PRKAA2: variants seen among roughly 807,000 people sequenced by gnomAD.
PRKAA2 encodes protein kinase AMP-activated catalytic subunit alpha 2.
A neutral mutation model predicts 56.3 loss-of-function variants in PRKAA2; 40 were observed. The ratio of observed to expected loss-of-function variants is 0.71; its 90% CI spans 0.55 to 0.92. The LOEUF is 0.92. PRKAA2 is among the 40% of genes least tolerant of loss of function. The pLI is 0.00. For synonymous variants in PRKAA2, 214 were observed against 234.2 expected, an observed-to-expected ratio of 0.91 and a Z score of 0.79; for missense variants, 542 against 686.9, an observed-to-expected ratio of 0.79 and a Z score of 2.36.
intron 1 of PRKAA2, among the ~76,000 whole-genome samples, chr1:56,673,280 A>G (rs1569743477): frequency 6.6e-6 from 1 of 152,142 alleles, no homozygotes; most frequent in Non-Finnish European, 1.5e-5. Flanking sequence ...AGGCTGAGTC[A>G]GAAGGATCAC....
intron 2 of PRKAA2, among the ~76,000 whole-genome samples, chr1:56,684,398 C>T (rs1283296410): frequency 1.3e-5 from 2 of 151,964 alleles, no homozygotes; most frequent in African/African-American, 4.8e-5. Flanking sequence ...AAGCCATCAG[C>T]AGACAGACTG....
chr1:56,697,828 T>G (rs892676597), intron 6 of PRKAA2, among the ~76,000 whole-genome samples: 1 of 151,672 alleles, frequency 6.6e-6, no homozygotes, highest in African/African-American at 2.4e-5. Context: ...AAAAAAAAAG[T>G]CAAATGGTAA....
chr1:56,653,532 G>T (rs148985431), intron 1 of PRKAA2, among the ~76,000 whole-genome samples: 231 of 152,146 alleles, frequency 1.5e-3, no homozygotes, highest in African/African-American at 5.3e-3. Context: ...AACTCAATCT[G>T]TAAAAATGGG....
intron 7 of PRKAA2, 109 bp from the exon 8 acceptor site, chr1:56,705,983 A>T (rs1042225229): frequency 2.2e-6 from 2 of 911,948 alleles, no homozygotes; most frequent in South Asian, 3.6e-5. Context: ...TAAAAAAATT[A>T]TTCGTATTCC....
intron 6 of PRKAA2, among the ~76,000 whole-genome samples, chr1:56,697,655 C>T (rs1644267509): frequency 6.6e-6 from 1 of 152,038 alleles, no homozygotes; most frequent in Non-Finnish European, 1.5e-5. Flanking sequence ...CTGCTCATAT[C>T]AGCATATACA....
chr1:56,670,890 T>C (rs1644070498), intron 1 of PRKAA2, among the ~76,000 whole-genome samples: 1 of 152,172 alleles, frequency 6.6e-6, no homozygotes, highest in African/African-American at 2.4e-5. Flanking sequence ...GCAGATGTAA[T>C]ACTGTACAAG....
intron 1 of PRKAA2, among the ~76,000 whole-genome samples, chr1:56,661,775 T>C (rs1643996225): frequency 6.6e-6 from 1 of 152,058 alleles, no homozygotes; most frequent in Non-Finnish European, 1.5e-5. Flanking sequence ...TTTTTTCAGG[T>C]ATCTACCATG....
chr1:56,668,730 A>G (rs1644054387), intron 1 of PRKAA2, among the ~76,000 whole-genome samples: 1 of 152,248 alleles, frequency 6.6e-6, no homozygotes, highest in Admixed American at 6.5e-5. Flanking sequence ...GGGATGATGT[A>G]CAGATACAGA....
intron 1 of PRKAA2, among the ~76,000 whole-genome samples, chr1:56,662,942 G>A (rs1038936336): frequency 3.9e-5 from 6 of 152,098 alleles, no homozygotes; most frequent in Non-Finnish European, 7.4e-5. Context: ...GAGTTTTTCT[G>A]CTAAGGTTTT....
At chr1:56,658,480 A>G (rs1482731668) in intron 1 of PRKAA2, among the ~76,000 whole-genome samples, 1 of 152,186 alleles carries the variant, frequency 6.6e-6, no homozygotes, top group Admixed American at 6.5e-5. Flanking sequence ...AGTCTACTGA[A>G]TGCTAATACA....
rs1643930579 is a variant in PRKAA2, at chr1:56,655,196, A to T, written c.94+9715A>T. Among the ~76,000 whole-genome samples the T allele has an allele frequency of 4.7e-5, 7 of 148,152 alleles. No homozygotes were observed. The Admixed American group carries it at 4.8e-4, about 10-fold the overall frequency. Reference sequence around the variant, plus strand: ...CTTGTTTTACTTGGGCAATATGATAAGTATAAGTTATTTTCATTTTCTTTT... The same window carrying T: ...CTTGTTTTACTTGGGCAATATGATATGTATAAGTTATTTTCATTTTCTTTT... On this transcript the variant is annotated intron_variant, in intron 1 of 8. Coordinates refer to ENST00000371244, the MANE Select transcript of PRKAA2 (RefSeq NM_006252.4).
At chr1:56,661,607 GT>G (rs1167937024) in intron 1 of PRKAA2, among the ~76,000 whole-genome samples, 2 of 151,904 alleles carry the variant, frequency 1.3e-5, no homozygotes, top group Non-Finnish European at 2.9e-5. Context: ...CATCTTGGTT[GT>G]TATGATTAAT....
At position 56,711,886 on chromosome 1, in the gene PRKAA2, TTTTGA is replaced by T. The variant is rs1432217862; in HGVS notation, c.*4178_*4182del. The T allele has an allele frequency of 6.6e-6, 1 of 152,158 alleles. No homozygotes were observed. The highest frequency in any genetic ancestry group is 6.6e-5 in the Admixed American group (1 of 15,260). 9.4% of individuals were successfully genotyped at this position (152,158 alleles called of 1,614,324 possible). ...TTTTATATGAGTGTGAATGTTTCTG[TTTTGA>T]TTTGGTGAGGCATGTCAGAGGTATA... On this transcript the variant is annotated 3_prime_UTR_variant, in exon 9 of 9. Coordinates refer to ENST00000371244, the MANE Select transcript of PRKAA2 (RefSeq NM_006252.4).
intron 1 of PRKAA2, among the ~76,000 whole-genome samples, chr1:56,661,578 G>A (rs958067813): frequency 2.0e-5 from 3 of 151,958 alleles, no homozygotes; most frequent in African/African-American, 7.2e-5. Context: ...TATTACTGAT[G>A]GAAATTTGGT....
At chr1:56,671,583 C>T (rs1644077370) in intron 1 of PRKAA2, 2 of 152,168 alleles carry the variant, frequency 1.3e-5, no homozygotes, top group Non-Finnish European at 2.9e-5. Flanking sequence ...TTTCAAGCTT[C>T]ATTAAATTTT....
At chr1:56,666,134 A>G (rs922512068) in intron 1 of PRKAA2, among the ~76,000 whole-genome samples, 10 of 152,210 alleles carry the variant, frequency 6.6e-5, no homozygotes, top group Admixed American at 2.0e-4. Flanking sequence ...TGAAGCCTGT[A>G]TCATATATTC....
At position 56,714,300 on chromosome 1, in the gene PRKAA2, T is replaced by C. The variant is rs1276108600; in HGVS notation, c.*6587T>C. ...CAGCAAGTCACGTAACCTCATTTAGTTTTTTGATTTACAAAATGTGGATAA... is the reference window on the plus strand; with the variant it reads ...CAGCAAGTCACGTAACCTCATTTAGCTTTTTGATTTACAAAATGTGGATAA... On this transcript the variant is annotated 3_prime_UTR_variant, in exon 9 of 9. Transcript: ENST00000371244. 1 of 152,136 alleles carries C rather than the reference T, an allele frequency of 6.6e-6. No individual in the cohort carries two copies. The highest frequency in any genetic ancestry group is 1.5e-5 in the Non-Finnish European group (1 of 68,014). The allele number at this position is 152,136 out of a possible 1,614,324, so 9.4% of individuals were successfully genotyped here. A position where few individuals can be genotyped will look rare whatever the true frequency, so the allele number is the denominator to read the frequency against.
rs1216508490 is a variant in PRKAA2 at position 56,675,685 on chromosome 1, GC to G, written c.236+1166del. 5.9e-5 allele frequency among the ~76,000 whole-genome samples: 9 copies of G among 152,082 alleles called. No individual in the cohort carries two copies. The South Asian group carries it at 1.2e-3, about 21-fold the overall frequency. On this transcript the variant is annotated intron_variant, in intron 2 of 8. Coordinates refer to ENST00000371244, the MANE Select transcript of PRKAA2 (RefSeq NM_006252.4). ...AATATACCATTACTTAAGAAACAAA[GC>G]CCTATGTATAAACTTTATATGCATA...
At position 56,714,598 on chromosome 1, in the gene PRKAA2, G is replaced by C. The variant is rs1418439939; in HGVS notation, c.*6885G>C. 1 of 152,068 alleles carries C rather than the reference G, an allele frequency of 6.6e-6. No individual in the cohort carries two copies. The highest frequency in any genetic ancestry group is 2.4e-5 in the African/African-American group (1 of 41,430). 9.4% of individuals were successfully genotyped at this position (152,068 alleles called of 1,614,324 possible). ...ATATTCAGAATCTCTTAAAATGTTG[G>C]CTGAAGCTGCCTTAATGTACCAAAA... On this transcript the variant is annotated 3_prime_UTR_variant, in exon 9 of 9. Coordinates refer to ENST00000371244, the MANE Select transcript of PRKAA2 (RefSeq NM_006252.4).
Sources: allele counts gnomAD v4.1 joint callset (sites outside exome capture counted in the v4.1 genomes callset), GRCh38; gene constraint gnomAD v4.1.1; transcripts MANE v1.5; gene names NCBI Gene and HGNC (gene_info 2026-07-23, HGNC 2026-07-21).